Variants in ADAMTSL1 observed in about 807,000 individuals in gnomAD.
ADAMTSL1 encodes the protein ADAMTS like 1.
ADAMTSL1 carries 126 observed loss-of-function variants against 201.8 expected under a neutral mutation model. The ratio of observed to expected loss-of-function variants is 0.62; its 90% CI spans 0.54 to 0.72. The LOEUF is 0.72. Among genes scored for constraint, ADAMTSL1 ranks in the 30% least tolerant of loss-of-function variants. ADAMTSL1 has a pLI of 0.00. For synonymous variants in ADAMTSL1, 1,121 were observed against 903.4 expected (o/e 1.24, Z -4.32); for missense variants, 2,679 against 2,277.8 (o/e 1.18, Z -3.59).
At chr9:18,418,243 G>A (rs1421887722) in intron 2 of ADAMTSL1, among the ~76,000 whole-genome samples, 2 of 152,098 alleles carry the variant, frequency 1.3e-5, no homozygotes, top group Admixed American at 1.3e-4. Flanking sequence ...CAAACAAAAA[G>A]TCACTACAGG....
intron 26 of ADAMTSL1, among the ~76,000 whole-genome samples, chr9:18,893,405 G>C (rs1829417908): frequency 6.6e-6 from 1 of 152,142 alleles, no homozygotes; most frequent in Admixed American, 6.5e-5. Context: ...AAAATACATA[G>C]GTCTTGCTCC....
At chr9:18,862,198 T>C (rs1470708636) in intron 23 of ADAMTSL1, among the ~76,000 whole-genome samples, 1 of 152,102 alleles carries the variant, frequency 6.6e-6, no homozygotes, top group Non-Finnish European at 1.5e-5. Context: ...AGAAATGAAA[T>C]GGGATGTAGA....
chr9:18,508,847 A>G (rs1304167149), intron 2 of ADAMTSL1, among the ~76,000 whole-genome samples: 1 of 152,198 alleles, frequency 6.6e-6, no homozygotes, highest in Non-Finnish European at 1.5e-5. Flanking sequence ...ATGGCCCTAA[A>G]TCAGTCCTTA....
At chr9:18,040,794 C>T (rs1292345021) in intron 1 of ADAMTSL1, among the ~76,000 whole-genome samples, 1 of 151,960 alleles carries the variant, frequency 6.6e-6, no homozygotes, top group Admixed American at 6.6e-5. Context: ...GAAGGTTAAA[C>T]TTATTAAAGC....
intron 17 of ADAMTSL1, among the ~76,000 whole-genome samples, chr9:18,772,426 A>G (rs997744030): frequency 1.3e-5 from 2 of 152,174 alleles, no homozygotes; most frequent in Non-Finnish European, 2.9e-5. Context: ...GGGACTAAGA[A>G]AAAGGTCCCA....
chr9:18,325,252 G>T (rs1018422339), intron 2 of ADAMTSL1, among the ~76,000 whole-genome samples: 1 of 152,146 alleles, frequency 6.6e-6, no homozygotes, highest in Admixed American at 6.5e-5. Context: ...TTACCTAAGG[G>T]AGATGAAAAC....
intron 2 of ADAMTSL1, among the ~76,000 whole-genome samples, chr9:18,316,600 C>T (rs1321547040): frequency 3.3e-5 from 5 of 152,122 alleles, no homozygotes; most frequent in African/African-American, 4.8e-5. Context: ...CTCTCTTATT[C>T]CCTGAACAAC....
chr9:18,282,974 A>T (rs1832850368), intron 2 of ADAMTSL1, among the ~76,000 whole-genome samples: 1 of 152,220 alleles, frequency 6.6e-6, no homozygotes, highest in Non-Finnish European at 1.5e-5. Context: ...CTGGTGGTTT[A>T]TATAGTTTTT....
intron 1 of ADAMTSL1, among the ~76,000 whole-genome samples, chr9:18,119,694 A>C (rs1005614561): frequency 3.3e-5 from 5 of 152,224 alleles, no homozygotes; most frequent in South Asian, 2.1e-4. Flanking sequence ...GCAGGAGTCC[A>C]GGGTGGGCTG....
chr9:18,758,678 C>G (rs529693354), intron 16 of ADAMTSL1, among the ~76,000 whole-genome samples: 3 of 152,314 alleles, frequency 2.0e-5, no homozygotes, highest in African/African-American at 7.2e-5. Context: ...CTACCTCAAG[C>G]CTACCTGGAT....
chr9:18,564,485 T>C (rs1278563034), intron 3 of ADAMTSL1, among the ~76,000 whole-genome samples: 1 of 152,166 alleles, frequency 6.6e-6, no homozygotes, highest in Non-Finnish European at 1.5e-5. Context: ...GCCTCACTTG[T>C]AAATAGAAAC....
chr9:18,699,706 CTT>C (rs1384021823), intron 13 of ADAMTSL1, among the ~76,000 whole-genome samples: 1 of 152,156 alleles, frequency 6.6e-6, no homozygotes, highest in African/African-American at 2.4e-5. Flanking sequence ...GACACTCAAT[CTT>C]TTTCTTTTCA....
chr9:17,947,739 C>G (rs1050376273), intron 1 of ADAMTSL1, among the ~76,000 whole-genome samples: 2 of 152,128 alleles, frequency 1.3e-5, no homozygotes, highest in African/African-American at 4.8e-5. Context: ...CAAATCTGTG[C>G]TAATAAGTCA....
intron 19 of ADAMTSL1, among the ~76,000 whole-genome samples, chr9:18,793,930 T>A (rs1822205665): frequency 6.6e-6 from 1 of 151,874 alleles, no homozygotes; most frequent in Admixed American, 6.6e-5. Flanking sequence ...TTTCTAGAAA[T>A]GGCATAAATC....
Position 18,684,801 on chromosome 9 carries a change from G to C in ADAMTSL1, c.1574+1G>C, listed in dbSNP as rs756185107. On this transcript the variant is annotated splice_donor_variant, in intron 13 of 28. Transcript: ENST00000380548. LOFTEE classifies it high-confidence loss of function. The stretch of plus-strand genomic sequence containing the variant: ...GAGCTGCTGTGTCAGAGGAGCCCTC[G>C]TAAGTTGTAAAAGCACAGACTGTTC... The C allele has an allele frequency of 6.2e-7, 1 of 1,608,844 alleles. No individual in the cohort carries two copies. The highest frequency in any genetic ancestry group is 8.5e-7 in the Non-Finnish European group (1 of 1,177,832).
At chr9:18,371,241 T>A (rs1283949559) in intron 2 of ADAMTSL1, among the ~76,000 whole-genome samples, 2 of 152,212 alleles carry the variant, frequency 1.3e-5, no homozygotes. Flanking sequence ...GGTTTAAAGA[T>A]CTTGAATCAA....
chr9:18,145,661 A>G (rs1214700990), intron 1 of ADAMTSL1, among the ~76,000 whole-genome samples: 1 of 152,164 alleles, frequency 6.6e-6, no homozygotes, highest in Non-Finnish European at 1.5e-5. Flanking sequence ...TTCCTTGACT[A>G]TAATATATGA....
intron 14 of ADAMTSL1, among the ~76,000 whole-genome samples, chr9:18,720,088 G>C (rs1833242079): frequency 6.6e-6 from 1 of 152,146 alleles, no homozygotes; most frequent in Admixed American, 6.5e-5. Context: ...AGAATGTCCT[G>C]TCTTGCCTCT....
intron 2 of ADAMTSL1, among the ~76,000 whole-genome samples, chr9:18,275,076 C>A (rs1419425763): frequency 6.6e-6 from 1 of 152,126 alleles, no homozygotes; most frequent in African/African-American, 2.4e-5. Flanking sequence ...GACAATACAT[C>A]TTTTGTCCAT....
Sources: gnomAD v4.1 joint callset for allele counts (sites outside exome capture counted in the v4.1 genomes callset) on GRCh38, gnomAD v4.1.1 for gene constraint, MANE v1.5 for transcripts, NCBI Gene and HGNC (gene_info 2026-07-23, HGNC 2026-07-21) for gene names.